The following ANKS1A variants were observed in gnomAD, a reference collection of about 807,000 sequenced individuals.
The protein encoded by ANKS1A is ankyrin repeat and sterile alpha motif domain containing 1A, also known as ankyrin repeat and SAM domain-containing protein 1A.
Under a neutral mutation model 120.3 loss-of-function variants are expected in ANKS1A, and 55 were observed. That is an observed-to-expected ratio of 0.46 (90% CI 0.37 to 0.57). The LOEUF (loss-of-function observed/expected upper bound fraction) is 0.57. Among genes scored for constraint, ANKS1A ranks in the 20% least tolerant of loss-of-function variants. ANKS1A has a pLI of 0.00. For synonymous variants in ANKS1A, 590 were observed against 604.7 expected (o/e 0.98, Z 0.36); for missense variants, 1,123 against 1,480.3 (o/e 0.76, Z 3.96).
At position 35,023,620 on chromosome 6, in the gene ANKS1A, C is replaced by T. The variant is rs946311054; in HGVS notation, c.2010+5561C>T. On this transcript the variant is annotated intron_variant, in intron 11 of 23. Transcript: ENST00000360359. ...GTAACCAAAGGAGGCATTATGCCTC[C>T]AGGAAAATCTCAGGGAGAAGTATCA... 58 of 482,394 alleles carry T rather than the reference C, an allele frequency of 1.2e-4. 1 individual carries two copies. Among genetic ancestry groups the T allele is most frequent in the Non-Finnish European group, 1.7e-4 (41 of 236,558 alleles). 29.9% of individuals were successfully genotyped at this position (482,394 alleles called of 1,614,324 possible). A position where few individuals can be genotyped will look rare whatever the true frequency, so the allele number is the denominator to read the frequency against.
intron 10 of ANKS1A, among the ~76,000 whole-genome samples, chr6:35,001,033 A>G (rs971895355): frequency 1.3e-5 from 2 of 152,220 alleles, no homozygotes; most frequent in African/African-American, 4.8e-5. Context: ...GGTTAAAAAG[A>G]GTCTATAAAA....
At chr6:35,067,151 C>G (rs904770718) in intron 13 of ANKS1A, among the ~76,000 whole-genome samples, 3 of 152,134 alleles carry the variant, frequency 2.0e-5, no homozygotes, top group Admixed American at 1.3e-4. Context: ...TATTTCCCAT[C>G]ATTATTAAGA....
intron 10 of ANKS1A, among the ~76,000 whole-genome samples, chr6:35,016,764 CAAAAA>C (rs145185965): frequency 1.5e-5 from 2 of 131,718 alleles, no homozygotes; most frequent in South Asian, 2.3e-4. Context: ...TGCACATTCT[CAAAAA>C]AAAAAAAAAA....
chr6:35,079,436 A>C (rs1351056061), intron 14 of ANKS1A, 80 bp from the exon 15 acceptor site: 1 of 1,566,930 alleles, frequency 6.4e-7, no homozygotes, highest in Non-Finnish European at 8.7e-7. Context: ...AGTCTGTGTG[A>C]GCTGGCTGGG....
At chr6:35,024,978 C>T (rs1004634555) in intron 11 of ANKS1A, among the ~76,000 whole-genome samples, 3 of 152,036 alleles carry the variant, frequency 2.0e-5, no homozygotes, top group African/African-American at 4.8e-5. Flanking sequence ...AAAGCCCTCC[C>T]GCCCTGAACA....
intron 14 of ANKS1A, 47 bp from the exon 15 acceptor site, chr6:35,079,469 C>T (rs1365446785): frequency 6.2e-7 from 1 of 1,607,738 alleles, no homozygotes. Flanking sequence ...GGGTCCCTCT[C>T]CTGTGAGTGC....
intron 11 of ANKS1A, among the ~76,000 whole-genome samples, chr6:35,040,467 CTG>C (rs1224542625): frequency 6.6e-6 from 1 of 152,168 alleles, no homozygotes; most frequent in African/African-American, 2.4e-5. Context: ...ATTCCCACTT[CTG>C]GGGGCAAAGG....
intron 1 of ANKS1A, among the ~76,000 whole-genome samples, chr6:34,945,197 T>A (rs1235164163): frequency 6.6e-6 from 1 of 152,090 alleles, no homozygotes; most frequent in African/African-American, 2.4e-5. Flanking sequence ...TGCCTCAGCC[T>A]CCCGAGTAGC....
At chr6:35,041,176 G>C (rs189100248) in intron 11 of ANKS1A, among the ~76,000 whole-genome samples, 180 of 152,320 alleles carry the variant, frequency 1.2e-3, no homozygotes, top group African/African-American at 4.2e-3. Context: ...TGGCTCCTCT[G>C]ACTGCCTTCT....
chr6:34,966,556 T>C (rs909617139), intron 1 of ANKS1A, among the ~76,000 whole-genome samples: 5 of 152,180 alleles, frequency 3.3e-5, no homozygotes, highest in South Asian at 2.1e-4. Context: ...AAATAAGAAC[T>C]AAGGCTTTTA....
chr6:34,996,575 C>G (rs918238660), intron 10 of ANKS1A, among the ~76,000 whole-genome samples: 1 of 151,888 alleles, frequency 6.6e-6, no homozygotes, highest in Non-Finnish European at 1.5e-5. Context: ...TGGGTTCAAG[C>G]AATTCTCCTG....
In ANKS1A at chr6:35,032,665, T is replaced by A. The variant is rs1774966956; in HGVS notation, c.2010+14606T>A. Among the ~76,000 whole-genome samples, 5 of 152,336 alleles carry A rather than the reference T, an allele frequency of 3.3e-5. No individual in the cohort carries two copies. In the South Asian group the frequency reaches 1.0e-3, roughly 32 times the overall value. The stretch of plus-strand genomic sequence containing the variant: ...GCTTGGGCATAGATAGGTATCTGTT[T>A]TTCTTCTTCTTGAGGGAGATATAAT... On this transcript the variant is annotated intron_variant, in intron 11 of 23. Coordinates refer to ENST00000360359, the MANE Select transcript of ANKS1A (RefSeq NM_015245.3).
chr6:35,029,229 T>A (rs1370839625), intron 11 of ANKS1A, among the ~76,000 whole-genome samples: 1 of 152,144 alleles, frequency 6.6e-6, no homozygotes, highest in East Asian at 1.9e-4. Context: ...TTGAGAAAAA[T>A]TAGCCCTTTA....
intron 9 of ANKS1A, among the ~76,000 whole-genome samples, chr6:34,990,253 A>C (rs1166627591): frequency 6.6e-6 from 1 of 152,186 alleles, no homozygotes; most frequent in East Asian, 1.9e-4. Context: ...AGCCCTTTTA[A>C]AAACGTAAAA....
intron 11 of ANKS1A, among the ~76,000 whole-genome samples, chr6:35,029,249 T>C (rs1282834596): frequency 6.6e-6 from 1 of 152,080 alleles, no homozygotes; most frequent in Non-Finnish European, 1.5e-5. Context: ...ATCTATGATA[T>C]GATTTGTCTT....
chr6:35,097,812 C>T, the ANKS1A span, among the ~76,000 whole-genome samples: 2 of 152,054 alleles, frequency 1.3e-5, no homozygotes, highest in Non-Finnish European at 2.9e-5. Context: ...AGTTAAAATG[C>T]AAACACTGAA....
intron 10 of ANKS1A, among the ~76,000 whole-genome samples, chr6:35,017,172 T>A (rs1774063635): frequency 6.6e-6 from 1 of 152,194 alleles, no homozygotes; most frequent in African/African-American, 2.4e-5. Flanking sequence ...TAGCAAGGTC[T>A]GGTCGTTAAT....
the ANKS1A span, among the ~76,000 whole-genome samples, chr6:35,097,895 C>T: frequency 1.4e-4 from 22 of 152,116 alleles, no homozygotes; most frequent in Non-Finnish European, 2.1e-4. Context: ...AAACTGTTTA[C>T]GAAAATTTTG....
In ANKS1A at chr6:35,044,411, A is replaced by C. The variant is rs1194121682; in HGVS notation, c.2011-9688A>C. 6.6e-6 allele frequency among the ~76,000 whole-genome samples: 1 copy of C among 152,220 alleles called. No individual in the cohort carries two copies. Among genetic ancestry groups the C allele is most frequent in the Non-Finnish European group, 1.5e-5 (1 of 68,040 alleles). ...CAAAGCTGATTCCACAGTCTCAGGCATTTCACTACCTGCAGACTCTGCCCT... is the reference window on the plus strand; with the variant it reads ...CAAAGCTGATTCCACAGTCTCAGGCCTTTCACTACCTGCAGACTCTGCCCT... On this transcript the variant is annotated intron_variant, in intron 11 of 23. Transcript: ENST00000360359. This position sits in a 1 kb window ranked among gnomAD's most constrained non-coding sequence, Gnocchi z 4.4.
Sources: gnomAD v4.1 joint callset for allele counts (sites outside exome capture counted in the v4.1 genomes callset) on GRCh38, gnomAD v4.1.1 for gene constraint, Gnocchi (gnomAD v3.1) non-coding constraint, MANE v1.5 for transcripts, NCBI Gene and HGNC (gene_info 2026-07-23, HGNC 2026-07-21) for gene names.